Variants in ADA2 observed in about 807,000 individuals in gnomAD.
ADA2 encodes adenosine deaminase CECR1.
ADA2 carries 29 observed loss-of-function variants against 44.2 expected under a neutral mutation model. The ratio of observed to expected loss-of-function variants is 0.66; its 90% CI spans 0.49 to 0.89. The LOEUF (loss-of-function observed/expected upper bound fraction) is 0.89, where lower values mean the gene tolerates loss of function less well. ADA2 is among the 40% of genes least tolerant of loss of function. The pLI is 0.00. For missense variants in ADA2, 637 were observed against 644.8 expected (o/e 0.99, Z 0.13); for synonymous variants, 215 against 234.9 (o/e 0.92, Z 0.77).
upstream of ADA2, among the ~76,000 whole-genome samples, chr22:17,219,972 G>A (rs924067898): frequency 1.3e-4 from 20 of 152,032 alleles, no homozygotes; most frequent in African/African-American, 3.6e-4. Flanking sequence ...CACCATGCCC[G>A]GCCGCATGTG....
At chr22:17,202,117 GCAC>G in intron 4 of ADA2, among the ~76,000 whole-genome samples, 1 of 147,314 alleles carries the variant, frequency 6.8e-6, no homozygotes, top group East Asian at 2.0e-4. Context: ...TTACAGGTGC[GCAC>G]CACCATGCCA....
chr22:17,201,726 T>C (rs111634807), intron 4 of ADA2, among the ~76,000 whole-genome samples: 1,615 of 152,226 alleles, frequency 0.011, 31 homozygotes, highest in African/African-American at 0.038. Context: ...AATAAAACTC[T>C]AGCAGTATTT....
At chr22:17,213,583 GGAA>G in intron 1 of ADA2, 1 of 297,924 alleles carries the variant, frequency 3.4e-6, no homozygotes, top group South Asian at 3.0e-5. Context: ...GTGACCAAGC[GGAA>G]GAAGAAAAAG....
At chr22:17,182,575 A>T in intron 8 of ADA2, 29 bp downstream of exon 8, 2 of 1,611,168 alleles carry the variant, frequency 1.2e-6, no homozygotes, top group Non-Finnish European at 1.7e-6. Flanking sequence ...GGGAGATCAT[A>T]TGGGATTAGC....
At chr22:17,221,640 T>TC (rs1378539655), upstream of ADA2, 1 of 152,194 alleles carries the variant, frequency 6.6e-6, no homozygotes, top group Non-Finnish European at 1.5e-5. Flanking sequence ...GGACTGCAGG[T>TC]CCTTGTCAGG....
chr22:17,211,656 G>A (rs779570129), intron 1 of ADA2, among the ~76,000 whole-genome samples: 5 of 152,082 alleles, frequency 3.3e-5, no homozygotes, highest in East Asian at 1.9e-4. Context: ...TTGGCCAGGC[G>A]CAGTGGCTCA....
chr22:17,202,536 G>A, intron 4 of ADA2, among the ~76,000 whole-genome samples: 1 of 151,998 alleles, frequency 6.6e-6, no homozygotes, highest in East Asian at 1.9e-4. Flanking sequence ...CAAAGTGCTG[G>A]GATTATAGGC....
intron 4 of ADA2, chr22:17,193,055 C>G: frequency 1.3e-6 from 1 of 781,208 alleles, no homozygotes. Flanking sequence ...GGTTCAAGGG[C>G]CAGATCTCGA....
intron 4 of ADA2, among the ~76,000 whole-genome samples, chr22:17,200,556 TC>T (rs1301025617): frequency 6.6e-6 from 1 of 152,116 alleles, no homozygotes; most frequent in African/African-American, 2.4e-5. Flanking sequence ...GATCGGACTC[TC>T]CAGGATCCAG....
At chr22:17,208,810 A>ATGTTTTTTTTTTTTT in intron 2 of ADA2, among the ~76,000 whole-genome samples, 1 of 149,502 alleles carries the variant, frequency 6.7e-6, no homozygotes, top group African/African-American at 2.5e-5. Flanking sequence ...CTCAAAAAAA[A>ATGTTTTTTTTTTTTT]TTTTTTTTAA....
upstream of ADA2, among the ~76,000 whole-genome samples, chr22:17,221,222 A>G (rs2062520606): frequency 6.6e-6 from 1 of 152,154 alleles, no homozygotes; most frequent in East Asian, 1.9e-4. Flanking sequence ...AAGGAGAAAC[A>G]AGATTGATTC....
chr22:17,196,111 C>T (rs1470480592), intron 4 of ADA2, among the ~76,000 whole-genome samples: 1 of 151,886 alleles, frequency 6.6e-6, no homozygotes, highest in Non-Finnish European at 1.5e-5. Flanking sequence ...CTTTGGGGGG[C>T]CAAGGCGAGT....
At chr22:17,185,926 C>T (rs907422383) in intron 7 of ADA2, among the ~76,000 whole-genome samples, 2 of 152,188 alleles carry the variant, frequency 1.3e-5, no homozygotes, top group Non-Finnish European at 2.9e-5. Flanking sequence ...CCCAAATCTT[C>T]CTTTGGATCT....
Position 17,205,850 on chromosome 22 carries a change from C to T in ADA2, c.542+1221G>A, listed in dbSNP as rs2062348775. 2.6e-5 allele frequency among the ~76,000 whole-genome samples: 4 copies of T among 152,156 alleles called. No individual in the cohort carries two copies. In the South Asian group the frequency reaches 8.3e-4, roughly 32 times the overall value. ...AAAATTAGCTGGGCATGATGGTGCA[C>T]ACCTCTAGTGTGCTGACACAGGAGG... is the stretch of plus-strand genomic sequence containing the variant. On this transcript the variant is annotated intron_variant, in intron 3 of 9. Coordinates refer to ENST00000399837, the MANE Select transcript of ADA2 (RefSeq NM_001282225.2).
intron 4 of ADA2, chr22:17,198,453 C>G (rs554306074): frequency 1.2e-4 from 18 of 152,266 alleles, no homozygotes; most frequent in African/African-American, 4.1e-4. Context: ...TGCGTGTTCT[C>G]GTAAAGCGAC....
chr22:17,198,052 A>C (rs897412859), intron 4 of ADA2, among the ~76,000 whole-genome samples: 35 of 151,728 alleles, frequency 2.3e-4, no homozygotes, highest in East Asian at 1.4e-3. Flanking sequence ...AAAAAAAAAA[A>C]CAAAAAAATT....
chr22:17,219,895 C>T (rs897479792), upstream of ADA2, among the ~76,000 whole-genome samples: 5 of 151,888 alleles, frequency 3.3e-5, no homozygotes, highest in Admixed American at 2.0e-4. Flanking sequence ...AGGCTGCTCT[C>T]GAACTCCTGA....
intron 4 of ADA2, chr22:17,199,446 T>TCCCTCCCCACCTCTATCCACTTCCCCA: frequency 1.1e-6 from 1 of 917,620 alleles, no homozygotes. Context: ...CCTCTTCCCC[T>TCCCTCCCCACCTCTATCCACTTCCCCA]CCACCCACGA....
chr22:17,185,794 C>A (rs2062029226), intron 7 of ADA2, among the ~76,000 whole-genome samples: 1 of 152,108 alleles, frequency 6.6e-6, no homozygotes, highest in African/African-American at 2.4e-5. Flanking sequence ...AGAGCTTAAG[C>A]CTGGGTGGGA....
Sources: allele counts gnomAD v4.1 joint callset (sites outside exome capture counted in the v4.1 genomes callset), GRCh38; gene constraint gnomAD v4.1.1; transcripts MANE v1.5; gene names NCBI Gene and HGNC (gene_info 2026-07-23, HGNC 2026-07-21).